The following ZNF44 variants were observed in gnomAD, a reference collection of about 807,000 sequenced individuals.
ZNF44 encodes the protein gonadotropin inducible transcription repressor-2.
A neutral mutation model predicts 11.7 loss-of-function variants in ZNF44; 9 were observed. The ratio of observed to expected loss-of-function variants is 0.77; its 90% CI spans 0.46 to 1.35. The LOEUF (loss-of-function observed/expected upper bound fraction) is 1.35, where lower values mean the gene tolerates loss of function less well. Among genes scored for constraint, ZNF44 ranks in the 40% most tolerant of loss-of-function variants. ZNF44 has a pLI of 0.00. For missense variants in ZNF44, 696 were observed against 743.1 expected (o/e 0.94, Z 0.74); for synonymous variants, 224 against 242.7 (o/e 0.92, Z 0.72).
intron 5 of ZNF44, among the ~76,000 whole-genome samples, chr19:12,262,406 G>C (rs1779050496): frequency 6.6e-6 from 1 of 152,028 alleles, no homozygotes; most frequent in Non-Finnish European, 1.5e-5. Context: ...GAGTAGCTGA[G>C]ATTACAGGCG....
At chr19:12,268,063 C>T (rs1390405579), downstream of ZNF44, among the ~76,000 whole-genome samples, 1 of 151,608 alleles carries the variant, frequency 6.6e-6, no homozygotes, top group South Asian at 2.1e-4. Flanking sequence ...TCTCAAACTC[C>T]TAACCTCAGG....
At chr19:12,247,217 T>C (rs1440747129), downstream of ZNF44, 1 of 1,057,342 alleles carries the variant, frequency 9.5e-7, no homozygotes. Context: ...GTATGAACTT[T>C]CATATCAACT....
Position 12,275,444 on chromosome 19 carries a change from C to T in ZNF44, c.131-411G>A, listed in dbSNP as rs1172844499. 2.6e-5 allele frequency among the ~76,000 whole-genome samples: 4 copies of T among 152,060 alleles called. No individual in the cohort carries two copies. In the East Asian group the frequency reaches 5.8e-4, roughly 22 times the overall value. ...TGGGCAGATCACAAGGTCAGGAGAT[C>T]GAGACCATCCTGGCTAACATGTTGA... is the stretch of plus-strand genomic sequence containing the variant. On this transcript the variant is annotated intron_variant, in intron 2 of 3. Transcript: ENST00000355684.
At chr19:12,291,560 T>C (rs1207774256) in intron 1 of ZNF44, among the ~76,000 whole-genome samples, 6 of 151,450 alleles carry the variant, frequency 4.0e-5, no homozygotes, top group Non-Finnish European at 8.8e-5. Context: ...TAGCCAGGTG[T>C]GGTGGCGCAC....
Position 12,284,796 on chromosome 19 carries a change from G to C in ZNF44, c.4-8714C>G, listed in dbSNP as rs550520288. 339 of 1,182,542 alleles carry C rather than the reference G, an allele frequency of 2.9e-4. 2 individuals carry two copies. The Middle Eastern group carries it at 4.8e-3, about 17-fold the overall frequency. 73.3% of individuals were successfully genotyped at this position (1,182,542 alleles called of 1,614,324 possible). A position where few individuals can be genotyped will look rare whatever the true frequency, so the allele number is the denominator to read the frequency against. On this transcript the variant is annotated intron_variant, in intron 1 of 3. Transcript: ENST00000355684. ...CCTGGCCAAGCTCTCCACTGTCCTCGTGCGCAGAGGCTACTGGGGGAACAA... is the reference window on the plus strand; with the variant it reads ...CCTGGCCAAGCTCTCCACTGTCCTCCTGCGCAGAGGCTACTGGGGGAACAA...
chr19:12,244,269 C>G (rs1916709020), downstream of ZNF44, among the ~76,000 whole-genome samples: 1 of 152,164 alleles, frequency 6.6e-6, no homozygotes, highest in South Asian at 2.1e-4. Flanking sequence ...CTCCCAAGTA[C>G]GTGGAATTAT....
At chr19:12,234,618 A>G (rs1916305511) in intron 2 of ZNF44, 1 of 152,244 alleles carries the variant, frequency 6.6e-6, no homozygotes, top group African/African-American at 2.4e-5. Context: ...CTGATGGCCA[A>G]AAAGCACTTG....
At chr19:12,248,532 C>T (rs751167387) in exon 8 of ZNF44, 13 of 1,290,860 alleles carry the variant, frequency 1.0e-5, no homozygotes, top group Middle Eastern at 2.1e-4. Flanking sequence ...TGAATGATGG[C>T]TCAAGACTTT....
chr19:12,240,520 T>C (rs757915317), upstream of ZNF44, among the ~76,000 whole-genome samples: 73 of 151,310 alleles, frequency 4.8e-4, no homozygotes, highest in Non-Finnish European at 9.7e-4. Context: ...CAAAACAATC[T>C]TGAAAAAAAG....
downstream of ZNF44, among the ~76,000 whole-genome samples, chr19:12,269,165 G>A (rs1433378179): frequency 1.3e-5 from 2 of 152,104 alleles, no homozygotes; most frequent in Admixed American, 1.3e-4. Context: ...GAGAGTGAGC[G>A]ACCACTGCTG....
At chr19:12,284,167 T>C (rs1394734803) in intron 1 of ZNF44, among the ~76,000 whole-genome samples, 1 of 152,142 alleles carries the variant, frequency 6.6e-6, no homozygotes, top group Non-Finnish European at 1.5e-5. Flanking sequence ...ATGAATTAAA[T>C]GACTGAGAAT....
At chr19:12,285,963 G>C (rs1967723683) in intron 1 of ZNF44, among the ~76,000 whole-genome samples, 1 of 142,002 alleles carries the variant, frequency 7.0e-6, no homozygotes, top group South Asian at 2.1e-4. Flanking sequence ...AGCTTGCAGT[G>C]AGCCGAGATC....
At chr19:12,248,582 A>T in exon 8 of ZNF44, 3 of 1,293,526 alleles carry the variant, frequency 2.3e-6, no homozygotes, top group Non-Finnish European at 3.0e-6. Context: ...CTCCAGAAGG[A>T]GTTTTCTTGT....
rs570526817 is a variant in ZNF44, at chr19:12,247,705, C to T, written c.*1160G>A. ...TCCTTACATTTGTAGGGTTTCTCTC[C>T]AGTATGAGTCCTTTCATGTCTTTGA... is the stretch of plus-strand genomic sequence containing the variant. On this transcript the variant is annotated 3_prime_UTR_variant and NMD_transcript_variant, in exon 8 of 8. Coordinates refer to the ZNF44 transcript ENST00000393337. The T allele has an allele frequency of 1.8e-5, 25 of 1,351,914 alleles. No homozygotes were observed. In the South Asian group the frequency reaches 2.9e-4, roughly 16 times the overall value. The allele number at this position is 1,351,914 out of a possible 1,614,324, so 83.7% of individuals were successfully genotyped here. A position where few individuals can be genotyped will look rare whatever the true frequency, so the allele number is the denominator to read the frequency against.
At chr19:12,228,166 T>C (rs1305127633) in intron 3 of ZNF44, among the ~76,000 whole-genome samples, 1 of 105,634 alleles carries the variant, frequency 9.5e-6, no homozygotes, top group East Asian at 3.2e-4. Flanking sequence ...TTCAAAACAA[T>C]TGTTTAACTT....
intron 1 of ZNF44, among the ~76,000 whole-genome samples, chr19:12,292,885 C>CAGG (rs1248870518): frequency 4.4e-5 from 4 of 91,130 alleles, no homozygotes; most frequent in Non-Finnish European, 6.2e-5. Flanking sequence ...TTTTTTGAGA[C>CAGG]AGAGTTTCCC....
chr19:12,291,194 G>T (rs1967992825), intron 1 of ZNF44: 2 of 445,662 alleles, frequency 4.5e-6, no homozygotes, highest in Non-Finnish European at 8.9e-6. Context: ...GCATTAATCT[G>T]CCAAGTCCAG....
intron 5 of ZNF44, among the ~76,000 whole-genome samples, chr19:12,264,773 G>A (rs1002423469): frequency 1.3e-5 from 2 of 152,062 alleles, no homozygotes; most frequent in African/African-American, 4.8e-5. Flanking sequence ...TTGGCTCACT[G>A]CAACCTCCAC....
intron 1 of ZNF44, chr19:12,293,490 A>G (rs1968104813): frequency 2.1e-6 from 2 of 955,944 alleles, no homozygotes; most frequent in African/African-American, 1.6e-5. Flanking sequence ...TTTTTACAGC[A>G]GTGTCAGGTG....
Sources: allele counts gnomAD v4.1 joint callset (sites outside exome capture counted in the v4.1 genomes callset), GRCh38; gene constraint gnomAD v4.1.1; transcripts MANE v1.5; gene names NCBI Gene and HGNC (gene_info 2026-07-23, HGNC 2026-07-21).